CPA6: variants seen among roughly 807,000 people sequenced by gnomAD.
CPA6 encodes carboxypeptidase B.
Under a neutral mutation model 63.3 loss-of-function variants are expected in CPA6, and 58 were observed. The observed-to-expected ratio is 0.92, with a 90% confidence interval of 0.74 to 1.14. CPA6 has a LOEUF of 1.14. Ranked by LOEUF, CPA6 falls within the 50% of genes most tolerant of loss-of-function variation. CPA6 has a pLI of 0.00. For synonymous variants in CPA6, 185 were observed against 179.0 expected (o/e 1.03, Z -0.27); for missense variants, 565 against 526.6 (o/e 1.07, Z -0.71).
At chr8:67,506,497 C>G (rs1267510602) in intron 6 of CPA6, among the ~76,000 whole-genome samples, 1 of 152,142 alleles carries the variant, frequency 6.6e-6, no homozygotes, top group Non-Finnish European at 1.5e-5. Context: ...GCCATATATG[C>G]ATTGCTAGGT....
intron 2 of CPA6, among the ~76,000 whole-genome samples, chr8:67,619,234 T>C (rs1460605663): frequency 6.6e-6 from 1 of 152,226 alleles, no homozygotes; most frequent in Admixed American, 6.5e-5. Flanking sequence ...TTAACAATGA[T>C]TCATATATGA....
chr8:67,686,338 T>TTTTTCATC (rs1164045675), intron 1 of CPA6, among the ~76,000 whole-genome samples: 26 of 152,352 alleles, frequency 1.7e-4, no homozygotes, highest in African/African-American at 6.3e-4. Flanking sequence ...TTTCATCATA[T>TTTTTCATC]ATTCCCCTTG....
At chr8:67,689,357 G>A (rs1288411561) in intron 1 of CPA6, among the ~76,000 whole-genome samples, 1 of 152,066 alleles carries the variant, frequency 6.6e-6, no homozygotes, top group Non-Finnish European at 1.5e-5. Context: ...ACTGAGGTTT[G>A]GGGTACAGAT....
chr8:67,598,292 C>T (rs1369980060), intron 2 of CPA6, among the ~76,000 whole-genome samples: 2 of 152,118 alleles, frequency 1.3e-5, no homozygotes. Flanking sequence ...ATTCTTATTA[C>T]CTTGCTTGCT....
At chr8:67,472,473 G>A (rs931888162) in intron 8 of CPA6, among the ~76,000 whole-genome samples, 22 of 150,308 alleles carry the variant, frequency 1.5e-4, no homozygotes, top group African/African-American at 4.9e-4. Flanking sequence ...CACCCAGGCC[G>A]GAGTGCAGTG....
intron 3 of CPA6, among the ~76,000 whole-genome samples, chr8:67,516,703 T>C (rs999104136): frequency 1.2e-4 from 19 of 152,234 alleles, no homozygotes; most frequent in African/African-American, 4.6e-4. Context: ...TATTGCTGGA[T>C]ATCACTGCAG....
intron 2 of CPA6, among the ~76,000 whole-genome samples, chr8:67,616,663 T>C (rs1814961076): frequency 6.6e-6 from 1 of 152,078 alleles, no homozygotes; most frequent in Non-Finnish European, 1.5e-5. Flanking sequence ...TTTTTCCACT[T>C]CTTGAATCTG....
chr8:67,522,951 A>T (rs1812289940), intron 2 of CPA6, among the ~76,000 whole-genome samples: 1 of 152,228 alleles, frequency 6.6e-6, no homozygotes, highest in Non-Finnish European at 1.5e-5. Flanking sequence ...TTTCTGGCTG[A>T]CAAAGTGGTA....
chr8:67,458,246 G>C (rs181047164), intron 8 of CPA6, among the ~76,000 whole-genome samples: 1 of 152,252 alleles, frequency 6.6e-6, no homozygotes, highest in Admixed American at 6.5e-5. Context: ...GCCCAGGTTG[G>C]AGTGCAGTGG....
chr8:67,684,047 ATTTATTTATTTT>A (rs1563391821), intron 1 of CPA6, among the ~76,000 whole-genome samples: 2 of 132,234 alleles, frequency 1.5e-5, no homozygotes, highest in East Asian at 4.4e-4. Context: ...TATTTTATTT[ATTTATTTATTTT>A]TTTTTTTTGT....
chr8:67,719,975 G>T (rs1037869297), intron 1 of CPA6, among the ~76,000 whole-genome samples: 1 of 152,110 alleles, frequency 6.6e-6, no homozygotes, highest in Admixed American at 6.5e-5. Context: ...TTTCATGCGC[G>T]TCCGTGTGAA....
intron 6 of CPA6, among the ~76,000 whole-genome samples, chr8:67,499,788 C>A (rs1255452616): frequency 1.3e-5 from 2 of 152,188 alleles, no homozygotes; most frequent in Non-Finnish European, 2.9e-5. Context: ...CAGCATAATT[C>A]TCTGGAGATT....
intron 1 of CPA6, among the ~76,000 whole-genome samples, chr8:67,721,012 T>C (rs905199753): frequency 1.3e-5 from 2 of 152,228 alleles, no homozygotes; most frequent in African/African-American, 2.4e-5. Context: ...CTATTAGGGA[T>C]TGAACAAACA....
intron 1 of CPA6, among the ~76,000 whole-genome samples, chr8:67,665,900 G>A (rs2128993572): frequency 6.6e-6 from 1 of 152,346 alleles, no homozygotes; most frequent in Middle Eastern, 3.4e-3. Context: ...TGAATTAAGG[G>A]TAAAGGTTTA....
intron 3 of CPA6, among the ~76,000 whole-genome samples, chr8:67,514,725 C>T (rs573647061): frequency 3.3e-5 from 5 of 152,238 alleles, no homozygotes; most frequent in Non-Finnish European, 5.9e-5. Flanking sequence ...TTAAACTAAC[C>T]GGTATATTCT....
chr8:67,696,287 T>C (rs544157746), intron 1 of CPA6, among the ~76,000 whole-genome samples: 2 of 152,298 alleles, frequency 1.3e-5, no homozygotes, highest in East Asian at 3.9e-4. Context: ...TATAAATGCA[T>C]GTACAATGGA....
intron 1 of CPA6, among the ~76,000 whole-genome samples, chr8:67,712,776 C>A (rs1817289127): frequency 6.6e-6 from 1 of 151,966 alleles, no homozygotes; most frequent in Non-Finnish European, 1.5e-5. Flanking sequence ...TCATGCTGTT[C>A]TGAGTAGTGT....
At chr8:67,470,837 C>A (rs1416865980) in intron 8 of CPA6, among the ~76,000 whole-genome samples, 7 of 152,050 alleles carry the variant, frequency 4.6e-5, no homozygotes, top group Admixed American at 4.6e-4. Context: ...TAATAATATT[C>A]TTAGATTAGG....
At chr8:67,563,641 G>A (rs1813267363) in intron 2 of CPA6, among the ~76,000 whole-genome samples, 1 of 152,100 alleles carries the variant, frequency 6.6e-6, no homozygotes, top group South Asian at 2.1e-4. Context: ...AGTAGGCTGT[G>A]GGGCTCAGGG....
Sources: allele counts gnomAD v4.1 joint callset (sites outside exome capture counted in the v4.1 genomes callset), GRCh38; gene constraint gnomAD v4.1.1; transcripts MANE v1.5; gene names NCBI Gene and HGNC (gene_info 2026-07-23, HGNC 2026-07-21).